The following KIRREL3 variants were observed in gnomAD, a reference collection of about 807,000 sequenced individuals.
The protein encoded by KIRREL3 is kin of IRRE-like protein 3.
KIRREL3 carries 36 observed loss-of-function variants against 89.7 expected under a neutral mutation model. That is an observed-to-expected ratio of 0.40 (90% CI 0.31 to 0.53). The LOEUF is 0.53. KIRREL3 is among the 20% of genes least tolerant of loss of function. The pLI is 0.49. For missense variants in KIRREL3, 864 were observed against 1,056.6 expected, an observed-to-expected ratio of 0.82 and a Z score of 2.53; for synonymous variants, 445 against 441.4, an observed-to-expected ratio of 1.01 and a Z score of -0.10.
intron 1 of KIRREL3, among the ~76,000 whole-genome samples, chr11:126,794,404 C>T (rs1196822159): frequency 6.6e-6 from 1 of 152,174 alleles, no homozygotes; most frequent in Admixed American, 6.5e-5. Context: ...GATGCCAGCC[C>T]CTGCTCTGAG....
intron 1 of KIRREL3, among the ~76,000 whole-genome samples, chr11:126,700,026 T>C (rs1002950706): frequency 6.6e-6 from 1 of 152,114 alleles, no homozygotes; most frequent in Non-Finnish European, 1.5e-5. Context: ...AGACCCCATC[T>C]TTACAAAAAA....
At chr11:126,886,124 A>G (rs1275634619) in intron 1 of KIRREL3, among the ~76,000 whole-genome samples, 5 of 152,128 alleles carry the variant, frequency 3.3e-5, no homozygotes, top group African/African-American at 1.2e-4. Flanking sequence ...GTCCTAGTGA[A>G]GAGGCTAAGT....
chr11:126,449,633 G>GCACA (rs144643651), intron 7 of KIRREL3, among the ~76,000 whole-genome samples: 1 of 148,982 alleles, frequency 6.7e-6, no homozygotes, highest in Non-Finnish European at 1.5e-5. Context: ...GTGTGCACGA[G>GCACA]CACACACACA....
At position 126,508,475 on chromosome 11, in the gene KIRREL3, G is replaced by C. The variant is rs1045781795; in HGVS notation, c.433+12840C>G. Among the ~76,000 whole-genome samples the C allele has an allele frequency of 6.6e-6, 1 of 152,168 alleles. No individual in the cohort carries two copies. Among genetic ancestry groups the C allele is most frequent in the African/African-American group, 2.4e-5 (1 of 41,432 alleles). On this transcript the variant is annotated intron_variant, in intron 4 of 16. Transcript: ENST00000525144. This position sits in a 1 kb window ranked among gnomAD's most constrained non-coding sequence, Gnocchi z 4.9. Reference sequence around the variant, plus strand: ...CTGAGGAGGAGGGGCTGCCAGGAAGGGTTTTTGGAAGCCTTGGGTTTGCTC... The same window carrying C: ...CTGAGGAGGAGGGGCTGCCAGGAAGCGTTTTTGGAAGCCTTGGGTTTGCTC...
At chr11:126,542,891 C>T (rs1938482330) in intron 2 of KIRREL3, among the ~76,000 whole-genome samples, 1 of 152,164 alleles carries the variant, frequency 6.6e-6, no homozygotes, top group South Asian at 2.1e-4. Flanking sequence ...TTCTCACTGC[C>T]CTGGGATTGT....
chr11:126,677,727 C>T lies in KIRREL3; in HGVS notation c.56-114815G>A, dbSNP rs937738244. ...TCCCAGAATGAGTCCAGGGGAGCCC[C>T]CTGGACCAAAGCAGGACAGAGCTAA... On this transcript the variant is annotated intron_variant, in intron 1 of 16. Coordinates refer to ENST00000525144, the MANE Select transcript of KIRREL3 (RefSeq NM_032531.4). This position sits in a 1 kb window ranked among gnomAD's most constrained non-coding sequence, Gnocchi z 5.1. Among the ~76,000 whole-genome samples the T allele has an allele frequency of 6.6e-6, 1 of 152,264 alleles. No individual in the cohort carries two copies. Among genetic ancestry groups the T allele is most frequent in the Middle Eastern group, 3.4e-3 (1 of 294 alleles).
chr11:126,898,503 T>C lies in KIRREL3; in HGVS notation c.55+101952A>G, dbSNP rs1173108952. Reference sequence around the variant, plus strand: ...AGAATGGATAATGAAATTTTGTGAATGCAGCAATTAGAAACAATGAAGTGG... The same window carrying C: ...AGAATGGATAATGAAATTTTGTGAACGCAGCAATTAGAAACAATGAAGTGG... On this transcript the variant is annotated intron_variant, in intron 1 of 16. Transcript: ENST00000525144. The surrounding 1 kb of genome is among the most constrained non-coding windows in gnomAD (Gnocchi z 4.9). Among the ~76,000 whole-genome samples, 1 of 152,232 alleles carries C rather than the reference T, an allele frequency of 6.6e-6. No homozygotes were observed. Among genetic ancestry groups the C allele is most frequent in the Non-Finnish European group, 1.5e-5 (1 of 68,044 alleles).
intron 1 of KIRREL3, among the ~76,000 whole-genome samples, chr11:126,973,946 A>AC (rs1949500487): frequency 6.6e-6 from 1 of 152,052 alleles, no homozygotes; most frequent in Admixed American, 6.5e-5. Flanking sequence ...TTCTCTCCCT[A>AC]CCAGAAGAGT....
At chr11:126,928,617 G>T (rs1245863827) in intron 1 of KIRREL3, among the ~76,000 whole-genome samples, 1 of 152,236 alleles carries the variant, frequency 6.6e-6, no homozygotes, top group African/African-American at 2.4e-5. Flanking sequence ...TTTCAGAAGT[G>T]TTAGCCATGC....
Position 126,743,950 on chromosome 11 carries a change from T to G in KIRREL3, c.56-181038A>C, listed in dbSNP as rs377160772. 2.0e-5 allele frequency among the ~76,000 whole-genome samples: 3 copies of G among 152,314 alleles called. No individual in the cohort carries two copies. In the East Asian group the frequency reaches 5.8e-4, roughly 29 times the overall value. On this transcript the variant is annotated intron_variant, in intron 1 of 16. Coordinates refer to ENST00000525144, the MANE Select transcript of KIRREL3 (RefSeq NM_032531.4). ...ACGTTTCTCAGAAGAAATTTAGTGA[T>G]GGGGAGACTACTATATTTCTGCTTG...
chr11:126,828,597 G>T (rs1454606579), intron 1 of KIRREL3, among the ~76,000 whole-genome samples: 1 of 152,126 alleles, frequency 6.6e-6, no homozygotes, highest in Non-Finnish European at 1.5e-5. Flanking sequence ...ACTCTGCTGG[G>T]TACAGATCTG....
intron 1 of KIRREL3, among the ~76,000 whole-genome samples, chr11:126,698,088 A>T (rs1226176473): frequency 6.6e-6 from 1 of 152,220 alleles, no homozygotes; most frequent in East Asian, 1.9e-4. Flanking sequence ...TCCTAAATGG[A>T]GCGCAGATGG....
intron 1 of KIRREL3, among the ~76,000 whole-genome samples, chr11:126,893,817 C>T (rs1403851337): frequency 2.0e-5 from 3 of 152,192 alleles, no homozygotes; most frequent in African/African-American, 7.2e-5. Context: ...TTTAATCTTG[C>T]TGCTAGCATA....
rs71279461 is a variant in KIRREL3 at position 126,646,473 on chromosome 11, A to ATTT, written c.56-83564_56-83562dup. Among the ~76,000 whole-genome samples, 129 of 127,412 alleles carry ATTT rather than the reference A, an allele frequency of 1.0e-3. 1 individual carries two copies. The highest frequency in any genetic ancestry group is 1.3e-3 in the Non-Finnish European group (78 of 61,556). The allele number at this position is 127,412 out of a possible 152,430, so 83.6% of individuals were successfully genotyped here. A position where few individuals can be genotyped will look rare whatever the true frequency, so the allele number is the denominator to read the frequency against. Reference sequence around the variant, plus strand: ...GCAACTCTAAATTTGTGCCCCAAGTATTTTTTTTTTTTTTTTTTTGAGACA... The same window carrying ATTT: ...GCAACTCTAAATTTGTGCCCCAAGTATTTTTTTTTTTTTTTTTTTTTTGAGACA... On this transcript the variant is annotated intron_variant, in intron 1 of 16. Coordinates refer to ENST00000525144, the MANE Select transcript of KIRREL3 (RefSeq NM_032531.4).
At chr11:127,002,068 C>T (rs917602266), upstream of KIRREL3, among the ~76,000 whole-genome samples, 4 of 152,154 alleles carry the variant, frequency 2.6e-5, no homozygotes, top group African/African-American at 9.7e-5. Flanking sequence ...TTTGAGGACT[C>T]TGCTCACTAC....
chr11:126,967,780 T>G (rs377372028), intron 1 of KIRREL3, among the ~76,000 whole-genome samples: 20 of 152,182 alleles, frequency 1.3e-4, no homozygotes, highest in African/African-American at 4.6e-4. Context: ...GTACACTTGG[T>G]GATGTCTGGA....
rs534600170 is a variant in KIRREL3, at chr11:126,528,503, A to G, written c.134-1816T>C. On this transcript the variant is annotated intron_variant, in intron 2 of 16. Coordinates refer to ENST00000525144, the MANE Select transcript of KIRREL3 (RefSeq NM_032531.4). This position sits in a 1 kb window ranked among gnomAD's most constrained non-coding sequence, Gnocchi z 4.6. ...GTGGCCGAGTTCACAACCTGACAAG[A>G]TCTTGGCAGGGTCTCCGAGGAGTCT... Among the ~76,000 whole-genome samples the G allele has an allele frequency of 8.5e-5, 13 of 152,204 alleles. No homozygotes were observed. Among genetic ancestry groups the G allele is most frequent in the Non-Finnish European group, 1.8e-4 (12 of 68,034 alleles).
In KIRREL3 at chr11:126,695,093, T is replaced by C. The variant is rs1007399905; in HGVS notation, c.56-132181A>G. Among the ~76,000 whole-genome samples the C allele has an allele frequency of 6.6e-5, 10 of 152,312 alleles. 1 individual carries two copies. The highest frequency in any genetic ancestry group is 2.4e-4 in the African/African-American group (10 of 41,560). On this transcript the variant is annotated intron_variant, in intron 1 of 16. Coordinates refer to ENST00000525144, the MANE Select transcript of KIRREL3 (RefSeq NM_032531.4). Reference sequence around the variant, plus strand: ...TGCGAGCCATCTATGACAGCTTTCCTGCTACAGCGGCAGAGCAGGATAGCT... The same window carrying C: ...TGCGAGCCATCTATGACAGCTTTCCCGCTACAGCGGCAGAGCAGGATAGCT...
At chr11:126,815,213 C>T (rs1463856158) in intron 1 of KIRREL3, among the ~76,000 whole-genome samples, 1 of 152,194 alleles carries the variant, frequency 6.6e-6, no homozygotes, top group Admixed American at 6.5e-5. Context: ...CCATAACAAC[C>T]TTTAGCACAC....
Sources: allele counts gnomAD v4.1 joint callset (sites outside exome capture counted in the v4.1 genomes callset), GRCh38; gene constraint gnomAD v4.1.1; non-coding constraint Gnocchi (gnomAD v3.1); transcripts MANE v1.5; gene names NCBI Gene and HGNC (gene_info 2026-07-23, HGNC 2026-07-21).